ACSBG2: variants seen among roughly 807,000 people sequenced by gnomAD.
ACSBG2 encodes the protein long-chain-fatty-acid--CoA ligase ACSBG2.
In ACSBG2, 62 loss-of-function variants were observed where a neutral mutation model predicts 74.7. That is an observed-to-expected ratio of 0.83 (90% CI 0.68 to 1.03). The LOEUF (loss-of-function observed/expected upper bound fraction) is 1.03, where lower values mean the gene tolerates loss of function less well. ACSBG2 is among the 50% of genes least tolerant of loss of function. The pLI, the probability that ACSBG2 is intolerant of heterozygous loss-of-function variation, is 0.00. For missense variants in ACSBG2, 730 were observed against 817.6 expected (o/e 0.89, Z 1.31); for synonymous variants, 309 against 294.1 (o/e 1.05, Z -0.52).
chr19:6,161,635 G>A, intron 6 of ACSBG2: 1 of 218,750 alleles, frequency 4.6e-6, no homozygotes, highest in Non-Finnish European at 9.3e-6. Flanking sequence ...GTGGGGGTTT[G>A]CAAAGGGATG....
At chr19:6,152,215 C>G (rs950495606) in intron 4 of ACSBG2, among the ~76,000 whole-genome samples, 1 of 151,830 alleles carries the variant, frequency 6.6e-6, no homozygotes, top group African/African-American at 2.4e-5. Flanking sequence ...TGGGCTCATG[C>G]GATCCTCCCA....
intron 14 of ACSBG2, 56 bp downstream of exon 14, chr19:6,190,748 C>G: frequency 8.6e-7 from 1 of 1,168,480 alleles, no homozygotes; most frequent in Non-Finnish European, 1.3e-6. Flanking sequence ...CAAGAGAGGG[C>G]TCCACTGTGT....
chr19:6,167,980 C>CG (rs2089858142), intron 7 of ACSBG2, among the ~76,000 whole-genome samples: 1 of 147,524 alleles, frequency 6.8e-6, no homozygotes, highest in African/African-American at 2.6e-5. Context: ...CACCCTCACC[C>CG]CCACCCCCAG....
At chr19:6,158,583 G>T (rs971791899) in intron 5 of ACSBG2, among the ~76,000 whole-genome samples, 2 of 152,096 alleles carry the variant, frequency 1.3e-5, no homozygotes, top group African/African-American at 2.4e-5. Flanking sequence ...TGGGAGGGGT[G>T]AGCCTAGATG....
At chr19:6,170,782 C>T (rs1473108487) in intron 7 of ACSBG2, among the ~76,000 whole-genome samples, 2 of 151,964 alleles carry the variant, frequency 1.3e-5, no homozygotes, top group South Asian at 4.2e-4. Flanking sequence ...CCAATTTAGT[C>T]TAGTATTTCT....
chr19:6,147,352 G>A (rs753226467), intron 2 of ACSBG2, 94 bp from the exon 3 acceptor site: 5 of 947,484 alleles, frequency 5.3e-6, no homozygotes, highest in East Asian at 5.2e-5. Flanking sequence ...TCAACTCTCA[G>A]CACCTTAGGT....
intron 5 of ACSBG2, among the ~76,000 whole-genome samples, chr19:6,159,663 G>A (rs1181105963): frequency 6.6e-6 from 1 of 152,140 alleles, no homozygotes; most frequent in Non-Finnish European, 1.5e-5. Context: ...ATCTTTATTT[G>A]GGGGAGTAAT....
intron 1 of ACSBG2, among the ~76,000 whole-genome samples, chr19:6,139,820 T>TGG (rs2088749262): frequency 6.6e-6 from 1 of 152,222 alleles, no homozygotes; most frequent in Non-Finnish European, 1.5e-5. Context: ...GGCTCACACC[T>TGG]GTAATCCCAG....
chr19:6,162,940 C>T (rs1467951992), intron 6 of ACSBG2, among the ~76,000 whole-genome samples: 2 of 151,726 alleles, frequency 1.3e-5, no homozygotes, highest in Non-Finnish European at 2.9e-5. Flanking sequence ...GGGAGAGTCA[C>T]ATAGAAGGGC....
intron 1 of ACSBG2, among the ~76,000 whole-genome samples, chr19:6,136,509 C>G (rs144155693): frequency 6.6e-6 from 1 of 151,084 alleles, no homozygotes; most frequent in Non-Finnish European, 1.5e-5. Flanking sequence ...ATTATAGGCA[C>G]GCGCCACCAT....
At position 6,187,349 on chromosome 19, in the gene ACSBG2, A is replaced by T. The variant is rs1410043339; in HGVS notation, c.1607A>T (p.Lys536Met). ...CCTGTTGAGACCTTGGTTAAGAAGA[A>T]GATCCCCATCATCAGTAACGCCATG... ...PIPVETLVKK[K>M]IPIISNAMLV... is the part of the protein sequence containing the mutation. The change falls in exon 12 of 15, where the codon AAG becomes ATG. Residue 536 changes from lysine to methionine, a missense_variant. By Grantham distance (95) the Lys-to-Met change is moderately conservative. Coordinates refer to ENST00000588485, the MANE Select transcript of ACSBG2 (RefSeq NM_030924.5). 3 of 1,614,076 alleles carry T rather than the reference A, an allele frequency of 1.9e-6. No homozygotes were observed. Among genetic ancestry groups the T allele is most frequent in the Non-Finnish European group, 2.5e-6 (3 of 1,180,034 alleles).
intron 11 of ACSBG2, among the ~76,000 whole-genome samples, 187 bp downstream of exon 11, chr19:6,185,840 C>T (rs1239085376): frequency 3.9e-5 from 6 of 152,186 alleles, no homozygotes; most frequent in Non-Finnish European, 8.8e-5. Flanking sequence ...CCCTTGGTCA[C>T]TTGGTATCCC....
chr19:6,188,825 T>C (rs1262951619), intron 13 of ACSBG2, among the ~76,000 whole-genome samples: 3 of 152,148 alleles, frequency 2.0e-5, no homozygotes, highest in African/African-American at 7.2e-5. Flanking sequence ...TCATCGGATG[T>C]GGAAGCTGCA....
intron 10 of ACSBG2, among the ~76,000 whole-genome samples, chr19:6,184,910 T>TTTTTTGTTTTTG (rs146001786): frequency 1.4e-5 from 2 of 147,792 alleles, no homozygotes; most frequent in East Asian, 4.1e-4. Flanking sequence ...TTTTCTTTCA[T>TTTTTTGTTTTTG]TTTTTGTTTT....
intron 1 of ACSBG2, among the ~76,000 whole-genome samples, chr19:6,136,364 T>TTCTG (rs1180938993): frequency 1.3e-5 from 2 of 152,108 alleles, no homozygotes; most frequent in African/African-American, 4.8e-5. Context: ...AGTGCTGGGA[T>TTCTG]TACAGGCGTG....
chr19:6,166,412 C>T (rs1242880361), intron 7 of ACSBG2, among the ~76,000 whole-genome samples: 2 of 151,018 alleles, frequency 1.3e-5, no homozygotes, highest in African/African-American at 4.9e-5. Flanking sequence ...TGCCTCCGTT[C>T]AAGTGATTTT....
Position 6,187,852 on chromosome 19 carries a change from G to T in ACSBG2, c.1927+7G>T. The T allele has an allele frequency of 6.2e-7, 1 of 1,613,390 alleles. No homozygotes were observed. Among genetic ancestry groups the T allele is most frequent in the Non-Finnish European group, 8.5e-7 (1 of 1,179,534 alleles). ...ATCTATGGTGGAGAGCTAGGTGAGT[G>T]GCCATGACATTTGGAGGCTGGTCCC... On this transcript the variant is annotated splice_region_variant and intron_variant, in intron 13 of 14. Coordinates refer to ENST00000588485, the MANE Select transcript of ACSBG2 (RefSeq NM_030924.5).
At chr19:6,153,652 A>G (rs980548600) in intron 4 of ACSBG2, among the ~76,000 whole-genome samples, 1 of 152,070 alleles carries the variant, frequency 6.6e-6, no homozygotes, top group African/African-American at 2.4e-5. Context: ...CCTGGACAAC[A>G]TCGCAAGATT....
chr19:6,184,430 C>T (rs2090341569), intron 10 of ACSBG2, among the ~76,000 whole-genome samples: 1 of 152,062 alleles, frequency 6.6e-6, no homozygotes, highest in Admixed American at 6.6e-5. Context: ...TAAGGCAGCT[C>T]TTTGTAAGTT....
Sources: gnomAD v4.1 joint callset for allele counts (sites outside exome capture counted in the v4.1 genomes callset) on GRCh38, gnomAD v4.1.1 for gene constraint, MANE v1.5 for transcripts, NCBI Gene and HGNC (gene_info 2026-07-23, HGNC 2026-07-21) for gene names.